Variants in NELL2 observed in about 807,000 individuals in gnomAD.
The protein encoded by NELL2 is protein kinase C-binding protein NELL2.
In NELL2, 41 loss-of-function variants were observed where a neutral mutation model predicts 109.6. The ratio of observed to expected loss-of-function variants is 0.37; its 90% confidence interval spans 0.29 to 0.49. The LOEUF (loss-of-function observed/expected upper bound fraction) is 0.49, where lower values mean the gene tolerates loss of function less well. Among genes scored for constraint, NELL2 ranks in the 20% least tolerant of loss-of-function variants. The pLI is 0.98. For missense variants in NELL2, 900 were observed against 1,008.3 expected (o/e 0.89, Z 1.45); for synonymous variants, 355 against 344.7 (o/e 1.03, Z -0.33).
chr12:44,841,136 G>C (rs555803867), intron 2 of NELL2, among the ~76,000 whole-genome samples: 350 of 152,272 alleles, frequency 2.3e-3, no homozygotes, highest in African/African-American at 8.0e-3. Flanking sequence ...AAACCTTTTA[G>C]TTAAAAGTAC....
intron 1 of NELL2, among the ~76,000 whole-genome samples, chr12:44,893,690 C>T (rs537278196): frequency 2.1e-4 from 32 of 152,178 alleles, no homozygotes; most frequent in East Asian, 3.9e-4. Context: ...TGCCCAGTAC[C>T]GAAGCAAGCA....
chr12:44,539,751 A>G (rs1482966504), intron 15 of NELL2, among the ~76,000 whole-genome samples: 1 of 152,202 alleles, frequency 6.6e-6, no homozygotes, highest in African/African-American at 2.4e-5. Context: ...TATCTCTAAG[A>G]GTAAATTTCA....
At position 44,585,455 on chromosome 12, in the gene NELL2, A is replaced by T. The variant is rs138120611; in HGVS notation, c.1663+21714T>A. On this transcript the variant is annotated intron_variant, in intron 15 of 19. Transcript: ENST00000429094. Reference sequence around the variant, plus strand: ...CTTCTTTACTAAAAATACAAAAATTATCTGGGTGTGGTGGTGGGGGCCTGT... The same window carrying T: ...CTTCTTTACTAAAAATACAAAAATTTTCTGGGTGTGGTGGTGGGGGCCTGT... 3.3e-3 allele frequency among the ~76,000 whole-genome samples: 495 copies of T among 152,188 alleles called. 4 individuals are homozygous for T. The highest frequency in any genetic ancestry group is 0.011 in the African/African-American group (476 of 41,510).
intron 13 of NELL2, among the ~76,000 whole-genome samples, chr12:44,644,602 ATG>A (rs1491379580): frequency 1.1e-3 from 90 of 83,786 alleles, no homozygotes; most frequent in Non-Finnish European, 1.4e-3. Context: ...ATATATATAT[ATG>A]TATGTATATA....
At chr12:44,541,615 A>G (rs1229367950) in intron 15 of NELL2, among the ~76,000 whole-genome samples, 2 of 152,156 alleles carry the variant, frequency 1.3e-5, no homozygotes, top group Non-Finnish European at 2.9e-5. Context: ...CCAAGAACAC[A>G]TACACAAAAA....
chr12:44,885,207 A>C (rs760093782), intron 1 of NELL2, among the ~76,000 whole-genome samples: 59 of 152,158 alleles, frequency 3.9e-4, no homozygotes, highest in Non-Finnish European at 3.7e-4. Flanking sequence ...TGAACCCAAA[A>C]GACAGAGGTT....
At position 44,643,834 on chromosome 12, in the gene NELL2, T is replaced by C. The variant is rs190221664; in HGVS notation, c.1444+21650A>G. On this transcript the variant is annotated intron_variant, in intron 13 of 19. Transcript: ENST00000429094. ...AATGGTTCTATTATGTGCATAATGA[T>C]GCAGATTTTGGAAAATGAACAACAA... 1.8e-3 allele frequency among the ~76,000 whole-genome samples: 276 copies of C among 152,318 alleles called. 2 individuals are homozygous for C. Among genetic ancestry groups the C allele is most frequent in the African/African-American group, 5.7e-3 (235 of 41,582 alleles).
chr12:44,657,571 C>T (rs773046616), intron 13 of NELL2, among the ~76,000 whole-genome samples: 1 of 152,112 alleles, frequency 6.6e-6, no homozygotes. Context: ...TGGTGGTTTG[C>T]TGCACCCATC....
At chr12:44,513,972 C>A (rs1340322131) in intron 19 of NELL2, among the ~76,000 whole-genome samples, 2 of 147,906 alleles carry the variant, frequency 1.4e-5, no homozygotes, top group Non-Finnish European at 3.0e-5. Flanking sequence ...AAAAATTAGA[C>A]CTAAGTGCAT....
intron 15 of NELL2, among the ~76,000 whole-genome samples, chr12:44,582,006 C>T (rs545003646): frequency 6.2e-4 from 95 of 152,280 alleles, no homozygotes; most frequent in Admixed American, 1.2e-3. Context: ...AAAGGAATTA[C>T]AATTGTATTC....
intron 13 of NELL2, among the ~76,000 whole-genome samples, chr12:44,637,719 A>C (rs749273139): frequency 6.6e-6 from 1 of 151,422 alleles, no homozygotes; most frequent in Non-Finnish European, 1.5e-5. Context: ...TGAAGCAGAG[A>C]CCAAATGCAA....
upstream of NELL2, among the ~76,000 whole-genome samples, chr12:44,880,089 G>A (rs1353097221): frequency 6.7e-6 from 1 of 148,316 alleles, no homozygotes; most frequent in Non-Finnish European, 1.5e-5. Context: ...TGAGATAAAA[G>A]ACTATGAAAA....
At chr12:44,594,341 T>C (rs11182548) in intron 15 of NELL2, among the ~76,000 whole-genome samples, 1,654 of 151,918 alleles carry the variant, frequency 0.011, 15 homozygotes, top group South Asian at 0.04. Context: ...TGATTACAAA[T>C]GTAGAATAAA....
intron 15 of NELL2, among the ~76,000 whole-genome samples, chr12:44,593,403 A>G (rs1031980350): frequency 3.1e-4 from 47 of 152,194 alleles, no homozygotes; most frequent in Non-Finnish European, 4.4e-5. Context: ...TGGGTGTGAG[A>G]ACTGCCATTT....
chr12:44,902,225 G>C (rs75088515), intron 1 of NELL2, among the ~76,000 whole-genome samples: 1,606 of 152,148 alleles, frequency 0.011, 32 homozygotes, highest in East Asian at 0.048. Context: ...AAATCAATGT[G>C]CAAAAATCAC....
intron 9 of NELL2, among the ~76,000 whole-genome samples, chr12:44,746,691 T>A (rs1396537880): frequency 6.6e-6 from 1 of 151,948 alleles, no homozygotes; most frequent in Non-Finnish European, 1.5e-5. Flanking sequence ...AAAAAACACA[T>A]GAAAAAATGC....
chr12:44,593,235 A>G (rs953627453), intron 15 of NELL2, among the ~76,000 whole-genome samples: 2 of 152,196 alleles, frequency 1.3e-5, no homozygotes, highest in Non-Finnish European at 2.9e-5. Context: ...ATTGAAAGTG[A>G]CTGAGATCCA....
intron 15 of NELL2, among the ~76,000 whole-genome samples, chr12:44,602,674 G>C (rs1190598494): frequency 6.6e-6 from 1 of 151,908 alleles, no homozygotes; most frequent in Admixed American, 6.6e-5. Flanking sequence ...ATATTGGTAA[G>C]AAAAGGTATG....
intron 2 of NELL2, among the ~76,000 whole-genome samples, chr12:44,874,666 T>C (rs1253193561): frequency 2.0e-5 from 3 of 152,236 alleles, no homozygotes; most frequent in Non-Finnish European, 4.4e-5. Context: ...CATTATTCCC[T>C]TTCTCTTGTT....
Sources: allele counts gnomAD v4.1 joint callset (sites outside exome capture counted in the v4.1 genomes callset), GRCh38; gene constraint gnomAD v4.1.1; transcripts MANE v1.5; gene names NCBI Gene and HGNC (gene_info 2026-07-23, HGNC 2026-07-21).